Variants in SEPTIN9 observed in about 807,000 individuals in gnomAD.
SEPTIN9 encodes septin 9, also known as septin-9.
A neutral mutation model predicts 56.6 loss-of-function variants in SEPTIN9; 13 were observed. That is an observed-to-expected ratio of 0.23 (90% CI 0.15 to 0.37). SEPTIN9 has a LOEUF of 0.37. Ranked by LOEUF, SEPTIN9 falls within the 10% of genes least tolerant of loss-of-function variation. The pLI, the probability that SEPTIN9 is intolerant of heterozygous loss-of-function variation, is 1.00. For synonymous variants in SEPTIN9, 332 were observed against 334.1 expected, an observed-to-expected ratio of 0.99 and a Z score of 0.07; for missense variants, 650 against 823.1, an observed-to-expected ratio of 0.79 and a Z score of 2.57.
At chr17:77,466,662 A>G in intron 3 of SEPTIN9, 1 of 845,662 alleles carries the variant, frequency 1.2e-6, no homozygotes, top group Non-Finnish European at 1.4e-6. Flanking sequence ...GGGTCGGGGC[A>G]GTGTGGGAGA....
intron 2 of SEPTIN9, among the ~76,000 whole-genome samples, chr17:77,343,003 G>GTCTGTCTGTCTGTCTATCTATCTATCTA (rs71160228): frequency 2.0e-4 from 29 of 147,252 alleles, no homozygotes; most frequent in African/African-American, 7.2e-4. Flanking sequence ...CTGTCTGTCT[G>GTCTGTCTGTCTGTCTATCTATCTATCTA]TCTATCTATC....
intron 3 of SEPTIN9, among the ~76,000 whole-genome samples, chr17:77,411,403 T>C (rs892187415): frequency 1.6e-4 from 25 of 151,742 alleles, no homozygotes; most frequent in Non-Finnish European, 2.4e-4. Flanking sequence ...TTTTCTTTTT[T>C]TTTTTTTTTG....
At chr17:77,341,821 G>A (rs888530456) in intron 2 of SEPTIN9, among the ~76,000 whole-genome samples, 6 of 149,218 alleles carry the variant, frequency 4.0e-5, no homozygotes, top group African/African-American at 7.4e-5. Flanking sequence ...AGTGGCTCAC[G>A]CCTGTAATCC....
intron 3 of SEPTIN9, among the ~76,000 whole-genome samples, chr17:77,417,016 G>A (rs2036530739): frequency 3.9e-5 from 6 of 152,326 alleles, no homozygotes; most frequent in Admixed American, 3.3e-4. Context: ...TGCCTTTCGT[G>A]TGAAAAACTG....
intron 2 of SEPTIN9, among the ~76,000 whole-genome samples, chr17:77,354,922 G>A (rs17614280): frequency 0.21 from 31,809 of 151,956 alleles, 3,709 homozygotes; most frequent in South Asian, 0.33. Context: ...CAAGGAAACA[G>A]GCTCAGAGGC....
rs768702519 is a variant in SEPTIN9 at position 77,429,075 on chromosome 17, C to G, written c.721+26372C>G. On this transcript the variant is annotated intron_variant, in intron 3 of 11. Transcript: ENST00000427177. The surrounding 1 kb of genome is among the most constrained non-coding windows in gnomAD (Gnocchi z 5.2). ...GCTCCTGGTTGCAGATGTACCTGTTCTTGGCTATTTGTGCCCCAGCTCCGT... is the reference window on the plus strand; with the variant it reads ...GCTCCTGGTTGCAGATGTACCTGTTGTTGGCTATTTGTGCCCCAGCTCCGT... 3 of 471,666 alleles carry G rather than the reference C, an allele frequency of 6.4e-6. No individual in the cohort carries two copies. Among genetic ancestry groups the G allele is most frequent in the South Asian group, 4.6e-5 (3 of 64,566 alleles). The allele number at this position is 471,666 out of a possible 1,614,324, so 29.2% of individuals were successfully genotyped here.
intron 10 of SEPTIN9, 79 bp downstream of exon 10, chr17:77,493,155 C>T (rs758001285): frequency 4.7e-5 from 55 of 1,163,480 alleles, no homozygotes; most frequent in Non-Finnish European, 6.8e-5. Context: ...TGGGCCACGC[C>T]TGAGCCAGGG....
At position 77,492,064 on chromosome 17, in the gene SEPTIN9, A is replaced by C. The variant is rs893996674; in HGVS notation, c.1381-557A>C. On this transcript the variant is annotated intron_variant, in intron 8 of 11. Transcript: ENST00000427177. This position sits in a 1 kb window ranked among gnomAD's most constrained non-coding sequence, Gnocchi z 5.4. Reference sequence around the variant, plus strand: ...CTGTAACCTACTCCGTCCTGGGGCCAGGTGTCAGGGACCTTCCCAGCATGT... The same window carrying C: ...CTGTAACCTACTCCGTCCTGGGGCCCGGTGTCAGGGACCTTCCCAGCATGT... Among the ~76,000 whole-genome samples the C allele has an allele frequency of 2.6e-5, 4 of 152,132 alleles. No individual in the cohort carries two copies. Among genetic ancestry groups the C allele is most frequent in the South Asian group, 2.1e-4 (1 of 4,828 alleles).
At chr17:77,364,041 T>G (rs190246139) in intron 2 of SEPTIN9, among the ~76,000 whole-genome samples, 1 of 152,190 alleles carries the variant, frequency 6.6e-6, no homozygotes, top group Non-Finnish European at 1.5e-5. Context: ...ACAAACCCAT[T>G]AGGTCCCTGA....
In SEPTIN9 at chr17:77,492,945, A is replaced by C; in HGVS notation, c.1477-35A>C. On this transcript the variant is annotated intron_variant, in intron 9 of 11. Transcript: ENST00000427177. This position sits in a 1 kb window ranked among gnomAD's most constrained non-coding sequence, Gnocchi z 5.4. ...CCAGGGGAGGGAATTGCCTTCCCGCACATGTGTAACCAATACCGTCTGCCC... is the reference window on the plus strand; with the variant it reads ...CCAGGGGAGGGAATTGCCTTCCCGCCCATGTGTAACCAATACCGTCTGCCC... 6.5e-7 allele frequency: 1 copy of C among 1,541,364 alleles called. No individual in the cohort carries two copies. The highest frequency in any genetic ancestry group is 8.8e-7 in the Non-Finnish European group (1 of 1,136,352).
rs1157506289 is a variant in SEPTIN9, at chr17:77,475,972, A to C, written c.722-6172A>C. 1.3e-6 allele frequency: 2 copies of C among 1,511,798 alleles called. No homozygotes were observed. Among genetic ancestry groups the C allele is most frequent in the Admixed American group, 1.8e-5 (1 of 56,378 alleles). 93.6% of individuals were successfully genotyped at this position (1,511,798 alleles called of 1,614,324 possible). ...GGTGTGGGTTGGGTTTGGGGAAGAC[A>C]GGGGAATGGCATTGACTTGACCCTG... On this transcript the variant is annotated intron_variant, in intron 3 of 11. Coordinates refer to ENST00000427177, the MANE Select transcript of SEPTIN9 (RefSeq NM_001113491.2). This position sits in a 1 kb window ranked among gnomAD's most constrained non-coding sequence, Gnocchi z 4.6.
At chr17:77,379,799 G>A (rs11658815) in intron 2 of SEPTIN9, among the ~76,000 whole-genome samples, 59,794 of 151,620 alleles carry the variant, frequency 0.39, 12,484 homozygotes, top group Non-Finnish European at 0.47. Context: ...CCCCTCCCCC[G>A]ACTTTTTCTT....
At chr17:77,341,147 T>G (rs754724472) in intron 2 of SEPTIN9, among the ~76,000 whole-genome samples, 7 of 152,226 alleles carry the variant, frequency 4.6e-5, no homozygotes, top group African/African-American at 7.2e-5. Context: ...ACAACTTGGC[T>G]AGCTATTTGG....
At position 77,319,518 on chromosome 17, in the gene SEPTIN9, C is replaced by G. The variant is rs989073256; in HGVS notation, c.76+12321C>G. 27 of 1,043,910 alleles carry G rather than the reference C, an allele frequency of 2.6e-5. No individual in the cohort carries two copies. The Admixed American group carries it at 9.5e-4, about 37-fold the overall frequency. The allele number at this position is 1,043,910 out of a possible 1,614,324, so 64.7% of individuals were successfully genotyped here. On this transcript the variant is annotated intron_variant, in intron 2 of 11. Transcript: ENST00000427177. This position sits in a 1 kb window ranked among gnomAD's most constrained non-coding sequence, Gnocchi z 5.3. ...CTGCCTGGGCGGGGACGGCAACTGC[C>G]TCTGTCACTGCAGACTAATGGGACG... is the stretch of plus-strand genomic sequence containing the variant.
intron 1 of SEPTIN9, among the ~76,000 whole-genome samples, chr17:77,293,136 C>T (rs1423214034): frequency 6.6e-6 from 1 of 152,058 alleles, no homozygotes; most frequent in African/African-American, 2.4e-5. Context: ...CCCTTCTCAG[C>T]CTCCCAAGTA....
intron 2 of SEPTIN9, among the ~76,000 whole-genome samples, chr17:77,338,402 G>C (rs1019857861): frequency 2.9e-5 from 4 of 138,844 alleles, no homozygotes; most frequent in Non-Finnish European, 6.2e-5. Context: ...TGTGGCAGCA[G>C]TTTCTTTGTT....
At position 77,300,944 on chromosome 17, in the gene SEPTIN9, G is replaced by T. The variant is rs564578478; in HGVS notation, c.20-6197G>T. ...AAACCACCCTCAACCCAGGCTCAAA[G>T]CACCCCCACCCCAGGCTCAAAGCAT... On this transcript the variant is annotated intron_variant, in intron 1 of 11. Transcript: ENST00000427177. Among the ~76,000 whole-genome samples the T allele has an allele frequency of 6.0e-5, 5 of 82,862 alleles. No homozygotes were observed. In the South Asian group the frequency reaches 2.4e-3, roughly 40 times the overall value. 54.4% of individuals were successfully genotyped at this position (82,862 alleles called of 152,430 possible). A position where few individuals can be genotyped will look rare whatever the true frequency, so the allele number is the denominator to read the frequency against.
chr17:77,377,454 T>C (rs1163936543), intron 2 of SEPTIN9, among the ~76,000 whole-genome samples: 1 of 152,070 alleles, frequency 6.6e-6, no homozygotes, highest in Non-Finnish European at 1.5e-5. Flanking sequence ...CGGTGTTTGC[T>C]GTAACCAGAT....
intron 1 of SEPTIN9, among the ~76,000 whole-genome samples, chr17:77,288,372 A>G (rs2031371448): frequency 6.6e-6 from 1 of 152,186 alleles, no homozygotes; most frequent in Non-Finnish European, 1.5e-5. Context: ...ATGCCTGGGC[A>G]CCTGTCCTGG....
Sources: allele counts gnomAD v4.1 joint callset (sites outside exome capture counted in the v4.1 genomes callset), GRCh38; gene constraint gnomAD v4.1.1; non-coding constraint Gnocchi (gnomAD v3.1); transcripts MANE v1.5; gene names NCBI Gene and HGNC (gene_info 2026-07-23, HGNC 2026-07-21).